LANCL2: variants seen among roughly 807,000 people sequenced by gnomAD.
The protein encoded by LANCL2 is LanC like glutathione S-transferase 2.
A neutral mutation model predicts 56.9 loss-of-function variants in LANCL2; 33 were observed. The observed-to-expected ratio is 0.58, with a 90% CI of 0.44 to 0.78. The LOEUF (loss-of-function observed/expected upper bound fraction) is 0.78. Ranked by LOEUF, LANCL2 falls within the 30% of genes least tolerant of loss-of-function variation. The pLI is 0.00. For synonymous variants in LANCL2, 233 were observed against 228.2 expected (o/e 1.02, Z -0.19); for missense variants, 562 against 580.2 (o/e 0.97, Z 0.32).
intron 2 of LANCL2, among the ~76,000 whole-genome samples, chr7:55,395,731 A>G (rs1294458964): frequency 6.6e-6 from 1 of 152,260 alleles, no homozygotes; most frequent in African/African-American, 2.4e-5. Flanking sequence ...AAAACTAAAC[A>G]GCTCTTCTTA....
intron 5 of LANCL2, among the ~76,000 whole-genome samples, chr7:55,402,144 G>A (rs1352667128): frequency 8.9e-5 from 13 of 146,000 alleles, no homozygotes; most frequent in South Asian, 2.2e-4. Context: ...CTCACCTCCC[G>A]GACGGGGCGG....
chr7:55,389,763 TTGTC>T (rs1406317433), intron 1 of LANCL2, among the ~76,000 whole-genome samples: 1 of 152,302 alleles, frequency 6.6e-6, no homozygotes, highest in Middle Eastern at 3.4e-3. Flanking sequence ...GGAAAGTAAA[TTGTC>T]TGTGCTTTTT....
intron 1 of LANCL2, among the ~76,000 whole-genome samples, chr7:55,386,029 GCGGT>G (rs1267783943): frequency 6.6e-6 from 1 of 152,168 alleles, no homozygotes; most frequent in Admixed American, 6.5e-5. Context: ...CGGCTCACTG[GCGGT>G]CAGAGTTTAA....
At chr7:55,384,251 GAT>G (rs1346422405) in intron 1 of LANCL2, among the ~76,000 whole-genome samples, 1 of 152,170 alleles carries the variant, frequency 6.6e-6, no homozygotes, top group African/African-American at 2.4e-5. Context: ...TTGAATGAAA[GAT>G]AGAAATTTAT....
At position 55,380,942 on chromosome 7, in the gene LANCL2, GCTCA is replaced by G. The variant is rs1248975856; in HGVS notation, c.205-10848_205-10845del. Among the ~76,000 whole-genome samples the G allele has an allele frequency of 2.0e-5, 3 of 148,058 alleles. No individual in the cohort carries two copies. The Admixed American group carries it at 2.1e-4, about 10-fold the overall frequency. On this transcript the variant is annotated intron_variant, in intron 1 of 8. Coordinates refer to ENST00000254770, the MANE Select transcript of LANCL2 (RefSeq NM_018697.4). ...GCTGGATTGCAGTGGTGCCATCTCA[GCTCA>G]CTGCAAGCTCTGCCTCCTGGGTTCA...
Position 55,402,497 on chromosome 7 carries a change from C to T in LANCL2, c.825+1177C>T, listed in dbSNP as rs570804670. Among the ~76,000 whole-genome samples the T allele has an allele frequency of 4.4e-3, 628 of 142,764 alleles. 11 individuals are homozygous for T. Among genetic ancestry groups the T allele is most frequent in the East Asian group, 0.014 (66 of 4,652 alleles). 93.7% of individuals were successfully genotyped at this position (142,764 alleles called of 152,430 possible). ...GGGGCTCCTCTCCTCCCAGTAGGGG[C>T]GGCCGGGCAGAGGCGCCCCCCACCT... On this transcript the variant is annotated intron_variant, in intron 5 of 8. Coordinates refer to ENST00000254770, the MANE Select transcript of LANCL2 (RefSeq NM_018697.4).
At chr7:55,373,275 A>ATATTTATTTATT (rs55805701) in intron 1 of LANCL2, among the ~76,000 whole-genome samples, 1,497 of 148,036 alleles carry the variant, frequency 0.01, 15 homozygotes, top group African/African-American at 0.026. Context: ...AATTTTTTAA[A>ATATTTATTTATT]TATTTATTTA....
At chr7:55,407,911 G>A (rs138991592) in intron 5 of LANCL2, among the ~76,000 whole-genome samples, 171 of 152,308 alleles carry the variant, frequency 1.1e-3, no homozygotes, top group African/African-American at 2.7e-3. Context: ...CAGCCCCTCC[G>A]GTGCACTGAG....
intron 8 of LANCL2, among the ~76,000 whole-genome samples, chr7:55,429,076 G>T (rs2128996935): frequency 6.6e-6 from 1 of 152,264 alleles, no homozygotes; most frequent in South Asian, 2.1e-4. Flanking sequence ...TAACATTTTG[G>T]TAAAGGTTTT....
At chr7:55,381,002 G>T (rs1790062430) in intron 1 of LANCL2, among the ~76,000 whole-genome samples, 1 of 151,986 alleles carries the variant, frequency 6.6e-6, no homozygotes, top group Non-Finnish European at 1.5e-5. Flanking sequence ...CTCCCCAGTG[G>T]CTGGGATTAC....
intron 1 of LANCL2, among the ~76,000 whole-genome samples, chr7:55,373,474 G>C (rs2331023): frequency 6.6e-6 from 1 of 151,172 alleles, no homozygotes; most frequent in Non-Finnish European, 1.5e-5. Flanking sequence ...AATTTTTTGT[G>C]TGTGGAGATG....
Position 55,431,368 on chromosome 7 carries a change from A to AG in LANCL2, c.*49dup, listed in dbSNP as rs1439147258. On this transcript the variant is annotated 3_prime_UTR_variant, in exon 9 of 9. Coordinates refer to ENST00000254770, the MANE Select transcript of LANCL2 (RefSeq NM_018697.4). ...ATACCCATTTGGACCAAAAGCCACCAGATTGCTTAGTGCCTGACACAGAAA... is the reference window on the plus strand; with the variant it reads ...ATACCCATTTGGACCAAAAGCCACCAGGATTGCTTAGTGCCTGACACAGAAA... 7.6e-7 allele frequency: 1 copy of AG among 1,312,858 alleles called. No homozygotes were observed. The highest frequency in any genetic ancestry group is 1.3e-5 in the South Asian group (1 of 79,546). 81.3% of individuals were successfully genotyped at this position (1,312,858 alleles called of 1,614,324 possible).
rs75424272 is a variant in LANCL2 at position 55,366,485 on chromosome 7, C to T, written c.204+256C>T. On this transcript the variant is annotated intron_variant, in intron 1 of 8. Coordinates refer to ENST00000254770, the MANE Select transcript of LANCL2 (RefSeq NM_018697.4). ...TTGAAATACGCGGACAGTGCGCTTT[C>T]CTTCTTGGCCCGAGCGGCGCTTCGC... Among the ~76,000 whole-genome samples the T allele has an allele frequency of 3.7e-3, 569 of 152,364 alleles. 2 individuals carry two copies. Among genetic ancestry groups the T allele is most frequent in the African/African-American group, 0.013 (546 of 41,590 alleles).
At chr7:55,386,937 C>T (rs1790132236) in intron 1 of LANCL2, among the ~76,000 whole-genome samples, 1 of 152,072 alleles carries the variant, frequency 6.6e-6, no homozygotes, top group Non-Finnish European at 1.5e-5. Context: ...AGCTGAATCC[C>T]AGGGAAATTC....
At chr7:55,392,498 A>G (rs904823611) in intron 2 of LANCL2, among the ~76,000 whole-genome samples, 2 of 151,434 alleles carry the variant, frequency 1.3e-5, no homozygotes, top group Admixed American at 6.6e-5. Context: ...CCACAGGCAC[A>G]TGCCACCACA....
chr7:55,406,427 C>T (rs7797601), intron 5 of LANCL2, among the ~76,000 whole-genome samples: 45,789 of 152,028 alleles, frequency 0.3, 7,983 homozygotes, highest in East Asian at 0.54. Flanking sequence ...AGTGCAGAGT[C>T]GGCTGAAAGA....
rs576896794 is a variant in LANCL2, at chr7:55,401,101, G to A, written c.679-73G>A. On this transcript the variant is annotated intron_variant, in intron 4 of 8. Transcript: ENST00000254770. Reference sequence around the variant, plus strand: ...CTCTCTATATATGTCATATATATATGACATACTGTTAATTAGACTACAACA... The same window carrying A: ...CTCTCTATATATGTCATATATATATAACATACTGTTAATTAGACTACAACA... 3.1e-6 allele frequency: 4 copies of A among 1,304,558 alleles called. No homozygotes were observed. In the African/African-American group the frequency reaches 4.4e-5, roughly 14 times the overall value. 80.8% of individuals were successfully genotyped at this position (1,304,558 alleles called of 1,614,324 possible). A position where few individuals can be genotyped will look rare whatever the true frequency, so the allele number is the denominator to read the frequency against.
At chr7:55,409,096 T>G (rs1165944437) in intron 5 of LANCL2, among the ~76,000 whole-genome samples, 1 of 151,884 alleles carries the variant, frequency 6.6e-6, no homozygotes, top group African/African-American at 2.4e-5. Flanking sequence ...TTCCAAGTTT[T>G]TTTTTTTTTT....
At chr7:55,403,118 G>A (rs1790361255) in intron 5 of LANCL2, among the ~76,000 whole-genome samples, 1 of 152,216 alleles carries the variant, frequency 6.6e-6, no homozygotes, top group African/African-American at 2.4e-5. Context: ...AGCGAGCCGA[G>A]ATCACGCCAC....
Sources: allele counts gnomAD v4.1 joint callset (sites outside exome capture counted in the v4.1 genomes callset), GRCh38; gene constraint gnomAD v4.1.1; transcripts MANE v1.5; gene names NCBI Gene and HGNC (gene_info 2026-07-23, HGNC 2026-07-21).